SMARCA2: variants seen among roughly 807,000 people sequenced by gnomAD.
SMARCA2 encodes SWI/SNF related BAF chromatin remodeling complex subunit ATPase 2.
SMARCA2 carries 61 observed loss-of-function variants against 199.8 expected under a neutral mutation model. The ratio of observed to expected loss-of-function variants is 0.31; its 90% confidence interval spans 0.25 to 0.38. The LOEUF (loss-of-function observed/expected upper bound fraction) is 0.38, where lower values mean the gene tolerates loss of function less well. Among genes scored for constraint, SMARCA2 ranks in the 10% least tolerant of loss-of-function variants. SMARCA2 has a pLI of 1.00. For missense variants in SMARCA2, 1,344 were observed against 2,012.2 expected (o/e 0.67, Z 6.35); for synonymous variants, 935 against 732.0 (o/e 1.28, Z -4.48).
At chr9:2,153,886 C>G (rs1032130015) in intron 27 of SMARCA2, among the ~76,000 whole-genome samples, 1 of 152,032 alleles carries the variant, frequency 6.6e-6, no homozygotes, top group African/African-American at 2.4e-5. Context: ...TGCTGAAAGT[C>G]TTCCTAAGAT....
At chr9:2,061,587 A>G (rs1421010542) in intron 9 of SMARCA2, among the ~76,000 whole-genome samples, 5 of 152,238 alleles carry the variant, frequency 3.3e-5, no homozygotes, top group South Asian at 2.1e-4. Flanking sequence ...TGCAGCTATT[A>G]TATCTCAATT....
intron 17 of SMARCA2, chr9:2,085,973 A>G (rs1321779254): frequency 1.3e-5 from 2 of 152,262 alleles, no homozygotes; most frequent in African/African-American, 2.4e-5. Flanking sequence ...TACTGTGTAG[A>G]CAGGAAGGAG....
intron 29 of SMARCA2, among the ~76,000 whole-genome samples, chr9:2,175,516 T>C (rs1055461465): frequency 2.0e-5 from 3 of 152,210 alleles, no homozygotes; most frequent in Non-Finnish European, 4.4e-5. Context: ...TATGTGATAG[T>C]TAAAAAGTGC....
chr9:2,078,741 G>T (rs1389081133), intron 14 of SMARCA2, among the ~76,000 whole-genome samples: 1 of 151,930 alleles, frequency 6.6e-6, no homozygotes, highest in Non-Finnish European at 1.5e-5. Flanking sequence ...TCAGGAGATT[G>T]AGACCATCCT....
chr9:2,036,043 T>G (rs1208800084), intron 3 of SMARCA2, among the ~76,000 whole-genome samples: 1 of 152,202 alleles, frequency 6.6e-6, no homozygotes, highest in Admixed American at 6.5e-5. Flanking sequence ...TAGGTTATTT[T>G]AGGGTATTGG....
intron 4 of SMARCA2, chr9:2,040,594 A>C (rs531240914): frequency 6.6e-6 from 1 of 152,542 alleles, no homozygotes; most frequent in African/African-American, 2.4e-5. Context: ...CATTTCTAGC[A>C]TGAGAGTATA....
chr9:2,181,905 C>G (rs1433947221), intron 30 of SMARCA2, among the ~76,000 whole-genome samples: 1 of 152,276 alleles, frequency 6.6e-6, no homozygotes, highest in Non-Finnish European at 1.5e-5. Context: ...TCCCCCTGCC[C>G]ACATTATTGC....
intron 5 of SMARCA2, among the ~76,000 whole-genome samples, chr9:2,048,142 C>A (rs534430465): frequency 6.6e-6 from 1 of 152,204 alleles, no homozygotes; most frequent in South Asian, 2.1e-4. Context: ...GGGCTGGCTG[C>A]CTTTCGGTAA....
chr9:2,116,879 T>A (rs1046857116), intron 25 of SMARCA2, among the ~76,000 whole-genome samples: 8 of 152,262 alleles, frequency 5.3e-5, no homozygotes, highest in Non-Finnish European at 1.0e-4. Context: ...AGAGTAAGTC[T>A]ACCTTACATA....
chr9:2,183,462 T>C (rs1194827802), intron 31 of SMARCA2, among the ~76,000 whole-genome samples: 1 of 152,202 alleles, frequency 6.6e-6, no homozygotes, highest in African/African-American at 2.4e-5. Context: ...TCACCTTATG[T>C]AGGACTTTTT....
At chr9:2,030,811 C>T (rs1264743856) in intron 2 of SMARCA2, among the ~76,000 whole-genome samples, 1 of 152,132 alleles carries the variant, frequency 6.6e-6, no homozygotes, top group Non-Finnish European at 1.5e-5. Flanking sequence ...CAGAAAAGAG[C>T]AAGTCTTTCC....
chr9:2,126,493 T>C (rs973905909), intron 27 of SMARCA2, among the ~76,000 whole-genome samples: 4 of 152,228 alleles, frequency 2.6e-5, no homozygotes, highest in African/African-American at 9.6e-5. Context: ...TGTTAAGCTT[T>C]TTTGATGATG....
chr9:2,047,253 C>G lies in SMARCA2; in HGVS notation c.815C>G (p.Pro272Arg), dbSNP rs1819896620. 2 of 1,008,364 alleles carry G rather than the reference C, an allele frequency of 2.0e-6. No homozygotes were observed. Among genetic ancestry groups the G allele is most frequent in the Non-Finnish European group, 2.4e-6 (2 of 845,688 alleles). The allele number at this position is 1,008,364 out of a possible 1,614,324, so 62.5% of individuals were successfully genotyped here. A position where few individuals can be genotyped will look rare whatever the true frequency, so the allele number is the denominator to read the frequency against. ...GGCCCGGGGCCGGAGCTGAGCGGCCCGAGCACCCCGCAGAAGCTGCCGGTG... is the reference window on the plus strand; with the variant it reads ...GGCCCGGGGCCGGAGCTGAGCGGCCGGAGCACCCCGCAGAAGCTGCCGGTG... ...PSGPGPELSG[P>R]STPQKLPVPA... Residue 272 changes from proline to arginine, a missense_variant, in exon 5 of 34, where the codon CCG becomes CGG. By Grantham distance (103) the Pro-to-Arg change is moderately radical. Transcript: ENST00000349721.
intron 32 of SMARCA2, among the ~76,000 whole-genome samples, chr9:2,188,335 T>C (rs4741650): frequency 0.81 from 122,710 of 152,150 alleles, 50,199 homozygotes; most frequent in African/African-American, 0.94. Context: ...GTATGTGATG[T>C]ATACACATTG....
intron 4 of SMARCA2, chr9:2,041,467 C>G (rs531267479): frequency 5.0e-6 from 2 of 398,522 alleles, no homozygotes; most frequent in East Asian, 7.1e-5. Context: ...TCTCTGGAGC[C>G]TCTTTTACAA....
chr9:2,092,086 T>C (rs1199594710), intron 19 of SMARCA2, among the ~76,000 whole-genome samples: 5 of 152,226 alleles, frequency 3.3e-5, no homozygotes, highest in African/African-American at 1.2e-4. Flanking sequence ...AAAGGGATTA[T>C]GTAAGAACAA....
chr9:2,182,143 A>G lies in SMARCA2; in HGVS notation c.4362A>G (p.Glu1454=), dbSNP rs1303779231. The G allele has an allele frequency of 1.3e-6, 2 of 1,595,606 alleles. No homozygotes were observed. Among genetic ancestry groups the G allele is most frequent in the African/African-American group, 2.7e-5 (2 of 74,446 alleles). The part of the protein sequence containing the change: ...RKPVDFKKIK[E]RIRNHKYRSL... ...ATTTTCTCCAAAATTTCCATCAGGAAAGGATTCGTAATCATAAGTACCGGA... is the reference window on the plus strand; with the variant it reads ...ATTTTCTCCAAAATTTCCATCAGGAGAGGATTCGTAATCATAAGTACCGGA... Residue 1454 remains glutamate, a splice_region_variant and synonymous_variant, in exon 31 of 34, where the codon GAA becomes GAG. Transcript: ENST00000349721.
At chr9:2,183,166 T>G (rs1417070385) in intron 31 of SMARCA2, among the ~76,000 whole-genome samples, 1 of 152,206 alleles carries the variant, frequency 6.6e-6, no homozygotes, top group Non-Finnish European at 1.5e-5. Flanking sequence ...GGCAGTACCA[T>G]TTTTGCTTTT....
At chr9:2,030,950 A>G (rs1296590820) in intron 2 of SMARCA2, among the ~76,000 whole-genome samples, 1 of 152,230 alleles carries the variant, frequency 6.6e-6, no homozygotes, top group Non-Finnish European at 1.5e-5. Context: ...GGTTATTTTG[A>G]AAAGGAAAAC....
Sources: allele counts gnomAD v4.1 joint callset (sites outside exome capture counted in the v4.1 genomes callset), GRCh38; gene constraint gnomAD v4.1.1; transcripts MANE v1.5; gene names NCBI Gene and HGNC (gene_info 2026-07-23, HGNC 2026-07-21).